Variants in SAE1 observed in about 807,000 individuals in gnomAD.
SAE1 encodes SUMO1 activating enzyme subunit 1, also known as SUMO-activating enzyme subunit 1.
A neutral mutation model predicts 40.6 loss-of-function variants in SAE1; 11 were observed. The observed-to-expected ratio is 0.27, with a 90% CI of 0.17 to 0.45. The LOEUF (loss-of-function observed/expected upper bound fraction) is 0.45. SAE1 is among the 20% of genes least tolerant of loss of function. SAE1 has a pLI of 1.00. For synonymous variants in SAE1, 155 were observed against 154.3 expected (o/e 1.00, Z -0.03); for missense variants, 373 against 427.3 (o/e 0.87, Z 1.12).
Position 47,135,988 on chromosome 19 carries a change from G to A in SAE1, c.98+4960G>A, listed in dbSNP as rs2058177129. On this transcript the variant is annotated intron_variant, in intron 1 of 8. Coordinates refer to ENST00000270225, the MANE Select transcript of SAE1 (RefSeq NM_005500.3). The stretch of plus-strand genomic sequence containing the variant: ...CCGGCTAATTTCTGTATTTTTAGTA[G>A]AGACGGGGTTTCACCTTGTTGGCCA... 2.7e-5 allele frequency among the ~76,000 whole-genome samples: 4 copies of A among 150,874 alleles called. No homozygotes were observed. The South Asian group carries it at 8.4e-4, about 32-fold the overall frequency.
intron 6 of SAE1, chr19:47,180,014 G>A (rs540093726): frequency 5.5e-6 from 2 of 364,212 alleles, no homozygotes; most frequent in Admixed American, 3.5e-5. Flanking sequence ...CAGTGGGAAA[G>A]GCTAGAAGGA....
At position 47,182,496 on chromosome 19, in the gene SAE1, T is replaced by TGTGTGTGTGCGCGC. The variant is rs143321323; in HGVS notation, c.733+12574_733+12575insTGTGTGTGCGCGCG. On this transcript the variant is annotated intron_variant, in intron 6 of 8. Transcript: ENST00000270225. Reference sequence around the variant, plus strand: ...GTGTGTGTGTGTGTGTGTGTGTGTGTGCGCGCACGCACGCGCGCGCGCACA... The same window carrying TGTGTGTGTGCGCGC: ...GTGTGTGTGTGTGTGTGTGTGTGTGTGTGTGTGTGCGCGCGCGCGCACGCACGCGCGCGCGCACA... 3.9e-3 allele frequency among the ~76,000 whole-genome samples: 565 copies of TGTGTGTGTGCGCGC among 145,998 alleles called. 9 individuals carry two copies. The highest frequency in any genetic ancestry group is 0.031 in the Admixed American group (455 of 14,554).
intron 1 of SAE1, chr19:47,142,385 A>T (rs199954658): frequency 6.2e-5 from 3 of 48,260 alleles, no homozygotes; most frequent in East Asian, 8.6e-4. Flanking sequence ...CTCTGTCTTT[A>T]AAAAAAAAAA....
intron 6 of SAE1, among the ~76,000 whole-genome samples, chr19:47,193,494 T>A (rs960673115): frequency 6.6e-6 from 1 of 151,946 alleles, no homozygotes; most frequent in Non-Finnish European, 1.5e-5. Flanking sequence ...ATGGGTGTTC[T>A]GGAGCTTTTT....
chr19:47,137,104 G>A (rs1052670185), intron 1 of SAE1, among the ~76,000 whole-genome samples: 20 of 152,072 alleles, frequency 1.3e-4, no homozygotes, highest in African/African-American at 4.6e-4. Flanking sequence ...TTAAAAGAGA[G>A]TAAAGGCCGT....
intron 7 of SAE1, 37 bp downstream of exon 7, chr19:47,197,414 G>A: frequency 1.9e-6 from 3 of 1,558,670 alleles, no homozygotes; most frequent in African/African-American, 1.4e-5. Context: ...AGTCTGGACA[G>A]ATAAAGTTTG....
At chr19:47,148,051 C>T (rs1486487789) in intron 2 of SAE1, among the ~76,000 whole-genome samples, 6 of 152,082 alleles carry the variant, frequency 3.9e-5, no homozygotes, top group Admixed American at 6.6e-5. Flanking sequence ...TGAGCCACCA[C>T]GCGTGGCCCT....
chr19:47,182,496 T>TGTGTGTGTGCACGC (rs143321323), intron 6 of SAE1, among the ~76,000 whole-genome samples: 1 of 145,938 alleles, frequency 6.9e-6, no homozygotes, highest in Admixed American at 6.9e-5. Flanking sequence ...TGTGTGTGTG[T>TGTGTGTGTGCACGC]GCGCGCACGC....
chr19:47,150,215 A>T lies in SAE1; in HGVS notation c.224A>T (p.Asp75Val), dbSNP rs2058279523. 1 of 1,590,140 alleles carries T rather than the reference A, an allele frequency of 6.3e-7. No individual in the cohort carries two copies. The highest frequency in any genetic ancestry group is 8.5e-7 in the Non-Finnish European group (1 of 1,170,994). Reference protein sequence around the residue: ...MLDHEQVTPEDPGAQFLIRTG... With the variant: ...MLDHEQVTPEVPGAQFLIRTG... ...TATTATTCCTAGGTAACTCCAGAAG[A>T]TCCCGGAGCTCAGTTCTTGATTCGT... Residue 75 changes from aspartate (D) to valine (V), a missense_variant, in exon 3 of 9, where the codon GAT becomes GTT. Physicochemically the swap from Asp to Val is radical, Grantham distance 152. Around this residue, in one of 3 missense-constraint regions of SAE1, gnomAD observed 351 missense variants for 390.6 expected, o/e 0.90. Transcript: ENST00000270225.
intron 6 of SAE1, among the ~76,000 whole-genome samples, chr19:47,184,520 C>T (rs2058531303): frequency 6.6e-6 from 1 of 152,042 alleles, no homozygotes; most frequent in Non-Finnish European, 1.5e-5. Flanking sequence ...AAGCGATTCT[C>T]CTGCCTCAAC....
chr19:47,196,563 T>C lies in SAE1; in HGVS notation c.734-670T>C, dbSNP rs1209649692. On this transcript the variant is annotated intron_variant, in intron 6 of 8. Transcript: ENST00000270225. ...ATTTTTAGTAGAGACAGGGTTTCAC[T>C]ATGTTGGCCAGGCTGGTCTCGAACT... is the stretch of plus-strand genomic sequence containing the variant. Among the ~76,000 whole-genome samples the C allele has an allele frequency of 8.4e-4, 112 of 133,490 alleles. No individual in the cohort carries two copies. The Middle Eastern group carries it at 0.015, about 18-fold the overall frequency. The allele number at this position is 133,490 out of a possible 152,430, so 87.6% of individuals were successfully genotyped here. A position where few individuals can be genotyped will look rare whatever the true frequency, so the allele number is the denominator to read the frequency against.
chr19:47,172,577 G>A (rs909143247), intron 6 of SAE1, among the ~76,000 whole-genome samples: 6 of 151,896 alleles, frequency 4.0e-5, no homozygotes, highest in Non-Finnish European at 8.8e-5. Context: ...GGTGGTGTGC[G>A]CCTGTAATCC....
At chr19:47,148,767 A>T (rs1277445204) in intron 2 of SAE1, among the ~76,000 whole-genome samples, 1 of 151,682 alleles carries the variant, frequency 6.6e-6, no homozygotes, top group Non-Finnish European at 1.5e-5. Context: ...GGCGTGTGCC[A>T]CCACGTCCGG....
intron 6 of SAE1, among the ~76,000 whole-genome samples, chr19:47,173,667 C>T (rs778278825): frequency 2.0e-5 from 3 of 152,276 alleles, no homozygotes; most frequent in East Asian, 3.9e-4. Flanking sequence ...GTAATATCTC[C>T]CCACCCAGCT....
intron 6 of SAE1, among the ~76,000 whole-genome samples, chr19:47,182,464 A>AGTGTGT (rs113149127): frequency 0.014 from 2,046 of 144,418 alleles, 39 homozygotes; most frequent in East Asian, 0.1. Flanking sequence ...AAAAAAGCGT[A>AGTGTGT]GTGTGTGTGT....
At chr19:47,173,930 G>A (rs1365153788) in intron 6 of SAE1, among the ~76,000 whole-genome samples, 9 of 151,796 alleles carry the variant, frequency 5.9e-5, no homozygotes, top group Admixed American at 2.6e-4. Context: ...GACTACAGGC[G>A]CCTGCCACTA....
At chr19:47,175,070 G>A (rs550266859) in intron 6 of SAE1, among the ~76,000 whole-genome samples, 1 of 148,654 alleles carries the variant, frequency 6.7e-6, no homozygotes, top group East Asian at 2.0e-4. Flanking sequence ...ATCAAAGTTA[G>A]CACATTAGAA....
At chr19:47,137,964 A>C (rs1018545704) in intron 1 of SAE1, among the ~76,000 whole-genome samples, 1 of 151,562 alleles carries the variant, frequency 6.6e-6, no homozygotes, top group African/African-American at 2.4e-5. Context: ...CCTCACTTCA[A>C]GTGATCTGCC....
At chr19:47,194,441 C>G (rs2058600314) in intron 6 of SAE1, among the ~76,000 whole-genome samples, 1 of 152,134 alleles carries the variant, frequency 6.6e-6, no homozygotes, top group Non-Finnish European at 1.5e-5. Flanking sequence ...CTGAATAAGT[C>G]TACTTTTTCA....
Sources: gnomAD v4.1 joint callset for allele counts (sites outside exome capture counted in the v4.1 genomes callset) on GRCh38, gnomAD v4.1.1 for gene constraint, gnomAD v4.1.1 regional missense constraint, MANE v1.5 for transcripts, NCBI Gene and HGNC (gene_info 2026-07-23, HGNC 2026-07-21) for gene names.